ASXL1: variants seen among roughly 807,000 people sequenced by gnomAD.
ASXL1 encodes the protein ASXL transcriptional regulator 1.
In ASXL1, 65 loss-of-function variants were observed where a neutral mutation model predicts 89.1. The observed-to-expected ratio is 0.73, with a 90% CI of 0.60 to 0.90. ASXL1 has a LOEUF of 0.90. Ranked by LOEUF, ASXL1 falls within the 40% of genes least tolerant of loss-of-function variation. The pLI is 0.00. For synonymous variants in ASXL1, 739 were observed against 746.9 expected, an observed-to-expected ratio of 0.99 and a Z score of 0.17; for missense variants, 1,786 against 1,942.9, an observed-to-expected ratio of 0.92 and a Z score of 1.52.
At position 32,428,210 on chromosome 20, in the gene ASXL1, G is replaced by C. The variant is rs1486567989; in HGVS notation, c.335G>C (p.Gly112Ala). The change falls in exon 5 of 13, where the codon GGG (glycine) becomes GCG (alanine). Residue 112 changes from glycine (G) to alanine (A), a missense_variant. Physicochemically the swap from Gly to Ala is moderately conservative, Grantham distance 60. This residue lies in a region of ASXL1 where 332 missense variants were observed against 449.7 expected (regional missense o/e 0.74). Coordinates refer to ENST00000375687, the MANE Select transcript of ASXL1 (RefSeq NM_015338.6). The stretch of plus-strand genomic sequence containing the variant: ...GACACGGCTGATGTGGAGAGCTGTG[G>C]GTCTAATGAAGCCAGCACTGTGAGT... ...PEDTADVESC[G>A]SNEASTVSGE... 6.2e-7 allele frequency: 1 copy of C among 1,614,018 alleles called. No individual in the cohort carries two copies. Among genetic ancestry groups the C allele is most frequent in the African/African-American group, 1.3e-5 (1 of 74,910 alleles).
At chr20:32,369,768 G>C (rs1196858610) in intron 4 of ASXL1, among the ~76,000 whole-genome samples, 3 of 122,486 alleles carry the variant, frequency 2.4e-5, no homozygotes, top group African/African-American at 9.4e-5. Context: ...TCACTCTGTT[G>C]CCCAGGCTGG....
intron 4 of ASXL1, among the ~76,000 whole-genome samples, chr20:32,371,558 A>G (rs1170065197): frequency 6.6e-6 from 1 of 152,106 alleles, no homozygotes; most frequent in Non-Finnish European, 1.5e-5. Context: ...AACTGCCAGG[A>G]TTACAGACGT....
intron 1 of ASXL1, among the ~76,000 whole-genome samples, chr20:32,361,457 G>A (rs2048108968): frequency 1.3e-5 from 2 of 151,628 alleles, no homozygotes; most frequent in South Asian, 4.2e-4. Context: ...GGCCAACAAG[G>A]TAAAACCCAG....
rs945149230 is a variant in ASXL1 at position 32,429,535 on chromosome 20, G to T, written c.565+104G>T. ...CTAATAGTGCGATACTAGGAGAGCTGTCGGGCCACAGGCAAGAGCCCTGCC... is the reference window on the plus strand; with the variant it reads ...CTAATAGTGCGATACTAGGAGAGCTTTCGGGCCACAGGCAAGAGCCCTGCC... On this transcript the variant is annotated intron_variant, in intron 7 of 12. Transcript: ENST00000375687. The surrounding 1 kb of genome is among the most constrained non-coding windows in gnomAD (Gnocchi z 4.9). The T allele has an allele frequency of 9.3e-5, 115 of 1,235,820 alleles. No individual in the cohort carries two copies. Among genetic ancestry groups the T allele is most frequent in the Non-Finnish European group, 1.3e-4 (114 of 850,274 alleles). 76.6% of individuals were successfully genotyped at this position (1,235,820 alleles called of 1,614,324 possible). A position where few individuals can be genotyped will look rare whatever the true frequency, so the allele number is the denominator to read the frequency against.
At chr20:32,363,570 C>G (rs1015399973) in intron 1 of ASXL1, among the ~76,000 whole-genome samples, 1 of 152,170 alleles carries the variant, frequency 6.6e-6, no homozygotes, top group African/African-American at 2.4e-5. Context: ...TGCCTCTTGT[C>G]TAGTCATAGT....
In ASXL1 at chr20:32,393,917, G is replaced by C. The variant is rs141924639; in HGVS notation, c.252+24794G>C. On this transcript the variant is annotated intron_variant, in intron 4 of 12. Coordinates refer to ENST00000375687, the MANE Select transcript of ASXL1 (RefSeq NM_015338.6). ...GCAATCTCAACTCACTGTAACCTTT[G>C]CCTCCTGGGTTCAAGCAGTTTTCCT... is the stretch of plus-strand genomic sequence containing the variant. 5.8e-3 allele frequency among the ~76,000 whole-genome samples: 880 copies of C among 151,144 alleles called. 10 individuals carry two copies. The highest frequency in any genetic ancestry group is 0.012 in the Admixed American group (178 of 15,152).
intron 12 of ASXL1, chr20:32,434,165 G>T (rs1240358339): frequency 5.7e-6 from 4 of 703,396 alleles, no homozygotes; most frequent in Non-Finnish European, 9.2e-6. Flanking sequence ...ATCTTTTTAA[G>T]ATAGCATTAG....
At chr20:32,423,169 A>G (rs897395123) in intron 4 of ASXL1, among the ~76,000 whole-genome samples, 5 of 152,146 alleles carry the variant, frequency 3.3e-5, no homozygotes, top group African/African-American at 1.2e-4. Flanking sequence ...ATTGGCCTGT[A>G]ACCTAGCACT....
At chr20:32,431,755 A>G (rs1163555114) in intron 10 of ASXL1, 76 bp downstream of exon 10, 5 of 1,461,088 alleles carry the variant, frequency 3.4e-6, no homozygotes, top group Non-Finnish European at 4.7e-6. Context: ...GGTATTTAAA[A>G]CCCAAGCTCG....
intron 4 of ASXL1, among the ~76,000 whole-genome samples, chr20:32,393,647 T>G (rs1227694807): frequency 6.6e-6 from 1 of 151,828 alleles, no homozygotes; most frequent in Admixed American, 6.6e-5. Context: ...AATTTTTGTA[T>G]TTTTAGTAGA....
rs2011899384 is a variant in ASXL1, at chr20:32,436,550, A to T, written c.3838A>T (p.Ile1280Phe). 6.2e-7 allele frequency: 1 copy of T among 1,614,046 alleles called. No homozygotes were observed. Among genetic ancestry groups the T allele is most frequent in the African/African-American group, 1.3e-5 (1 of 74,914 alleles). ...ACCTCGTTTCTCATCTCCAAATGTG[A>T]TCTCCTTTGGTCCAGAGCAGACAGG... ...RTPRFSSPNV[I>F]SFGPEQTGRA... Residue 1280 changes from isoleucine to phenylalanine, a missense_variant, in exon 13 of 13, where the codon ATC becomes TTC. Ile to Phe is a conservative substitution (Grantham distance 21). Around this residue, in one of 3 missense-constraint regions of ASXL1, gnomAD observed 1,418 missense variants for 1,427.8 expected, o/e 0.99. Coordinates refer to ENST00000375687, the MANE Select transcript of ASXL1 (RefSeq NM_015338.6).
At chr20:32,388,033 G>T (rs1405402759) in intron 4 of ASXL1, among the ~76,000 whole-genome samples, 1 of 152,106 alleles carries the variant, frequency 6.6e-6, no homozygotes, top group Admixed American at 6.5e-5. Context: ...TCTATCTTCA[G>T]AATATATCTC....
At chr20:32,367,750 C>T (rs748585893) in intron 3 of ASXL1, 21 bp downstream of exon 3, 26 of 780,712 alleles carry the variant, frequency 3.3e-5, no homozygotes, top group South Asian at 3.1e-4. Flanking sequence ...CCCTTTGGGA[C>T]ATATGGAATT....
intron 1 of ASXL1, 99 bp downstream of exon 1, chr20:32,358,931 CGCGGGAG>C: frequency 8.2e-7 from 1 of 1,222,580 alleles, no homozygotes; most frequent in African/African-American, 1.6e-5. Flanking sequence ...CCCTGCCCAC[CGCGGGAG>C]GGGGCGGGGC....
At position 32,399,745 on chromosome 20, in the gene ASXL1, C is replaced by CTATT. The variant is rs1600525633; in HGVS notation, c.253-28382_253-28381insATTT. Among the ~76,000 whole-genome samples, 40 of 66,592 alleles carry CTATT rather than the reference C, an allele frequency of 6.0e-4. 4 individuals carry two copies. Among genetic ancestry groups the CTATT allele is most frequent in the East Asian group, 3.4e-3 (6 of 1,774 alleles). 43.7% of individuals were successfully genotyped at this position (66,592 alleles called of 152,430 possible). ...ATTTTTAAAAATCTCACATATTTTACTCTTTTTTTTTTTTTTTTTTTTTTT... is the reference window on the plus strand; with the variant it reads ...ATTTTTAAAAATCTCACATATTTTACTATTTCTTTTTTTTTTTTTTTTTTTTTTT... On this transcript the variant is annotated intron_variant, in intron 4 of 12. Coordinates refer to ENST00000375687, the MANE Select transcript of ASXL1 (RefSeq NM_015338.6).
Position 32,432,978 on chromosome 20 carries a change from G to T in ASXL1, c.1078G>T (p.Gly360Ter). 6.2e-7 allele frequency: 1 copy of T among 1,613,834 alleles called. No individual in the cohort carries two copies. The highest frequency in any genetic ancestry group is 8.5e-7 in the Non-Finnish European group (1 of 1,180,016). ...AGAAAAGTTCTTTGAAGACTACTAT[G>T]GACAGAAGTAAGGCAGTTGGAGCTA... is the stretch of plus-strand genomic sequence containing the variant. ...WKEKFFEDYY[G>*]QKLGLTKEES... The change falls in exon 11 of 13, where the codon GGA becomes TGA. Residue 360 changes from glycine to a stop codon, truncating the protein, a stop_gained. Transcript: ENST00000375687. LOFTEE classifies it high-confidence loss of function.
In ASXL1 at chr20:32,429,965, G is replaced by T. The variant is rs752135026; in HGVS notation, c.630G>T (p.Leu210=). The T allele has an allele frequency of 1.1e-5, 18 of 1,609,024 alleles. No homozygotes were observed. In the Admixed American group the frequency reaches 1.3e-4, roughly 12 times the overall value. ...CGTCCAGCAGCAGCAGCGGCTCTCT[G>T]GCCCTGGGCAGCGCTGCTATTCGTG... is the stretch of plus-strand genomic sequence containing the variant. ...GSPSSSSSGS[L]ALGSAAIRGQ... is the part of the protein sequence containing the mutation. The change falls in exon 8 of 13, where the codon CTG becomes CTT. Residue 210 remains leucine, a synonymous_variant. Transcript: ENST00000375687. The surrounding 1 kb of genome is among the most constrained non-coding windows in gnomAD (Gnocchi z 4.9).
intron 4 of ASXL1, among the ~76,000 whole-genome samples, chr20:32,422,216 G>C (rs2049269383): frequency 6.6e-6 from 1 of 150,758 alleles, no homozygotes; most frequent in Admixed American, 6.6e-5. Context: ...ATTAGGAAGG[G>C]GCACAAGGAA....
intron 8 of ASXL1, 147 bp from the exon 9 acceptor site, chr20:32,431,174 C>A (rs1233239792): frequency 2.1e-6 from 2 of 965,976 alleles, no homozygotes; most frequent in Non-Finnish European, 3.2e-6. Context: ...AAAGAATATA[C>A]AGGTTAGGAT....
Sources: allele counts gnomAD v4.1 joint callset (sites outside exome capture counted in the v4.1 genomes callset), GRCh38; gene constraint gnomAD v4.1.1; regional missense constraint gnomAD v4.1.1; non-coding constraint Gnocchi (gnomAD v3.1); transcripts MANE v1.5; gene names NCBI Gene and HGNC (gene_info 2026-07-23, HGNC 2026-07-21).